The following RNF214 variants were observed in gnomAD, a reference collection of about 807,000 sequenced individuals.
RNF214 encodes ring finger protein 214.
RNF214 carries 25 observed loss-of-function variants against 75.9 expected under a neutral mutation model. The ratio of observed to expected loss-of-function variants is 0.33; its 90% CI spans 0.24 to 0.46. The LOEUF (loss-of-function observed/expected upper bound fraction) is 0.46, where lower values mean the gene tolerates loss of function less well. RNF214 is among the 20% of genes least tolerant of loss of function. RNF214 has a pLI of 1.00. For synonymous variants in RNF214, 314 were observed against 308.8 expected, an observed-to-expected ratio of 1.02 and a Z score of -0.18; for missense variants, 725 against 857.5, an observed-to-expected ratio of 0.85 and a Z score of 1.93.
intron 4 of RNF214, among the ~76,000 whole-genome samples, chr11:117,243,543 T>C (rs1418007931): frequency 6.6e-6 from 1 of 152,230 alleles, no homozygotes; most frequent in Non-Finnish European, 1.5e-5. Flanking sequence ...AATGAAAAAA[T>C]TCAGTTTAGT....
chr11:117,241,951 A>G (rs1343320856), intron 4 of RNF214, among the ~76,000 whole-genome samples: 1 of 152,144 alleles, frequency 6.6e-6, no homozygotes, highest in African/African-American at 2.4e-5. Flanking sequence ...TCTAGACACT[A>G]TTTCTTAAGC....
At chr11:117,247,453 C>G (rs1292973496) in intron 6 of RNF214, among the ~76,000 whole-genome samples, 1 of 152,194 alleles carries the variant, frequency 6.6e-6, no homozygotes, top group East Asian at 1.9e-4. Context: ...TGTGATTACG[C>G]CACTGCACTC....
At chr11:117,245,054 C>G (rs529289604) in intron 5 of RNF214, among the ~76,000 whole-genome samples, 1 of 151,656 alleles carries the variant, frequency 6.6e-6, no homozygotes, top group African/African-American at 2.4e-5. Context: ...TGTGGTGGCT[C>G]ACACCTGTAA....
chr11:117,245,036 A>G (rs2033178197), intron 5 of RNF214, among the ~76,000 whole-genome samples: 1 of 151,712 alleles, frequency 6.6e-6, no homozygotes, highest in Non-Finnish European at 1.5e-5. Context: ...TAAAAAGGCA[A>G]GGCGGGGTGT....
rs201365537 is a variant in RNF214 at position 117,267,740 on chromosome 11, A to AG, written c.960-12166dup. On this transcript the variant is annotated intron_variant, in intron 6 of 14. Coordinates refer to ENST00000300650, the MANE Select transcript of RNF214 (RefSeq NM_207343.4). ...CAAGATCATGTCTGAAAAAAAAAAA[A>AG]GGCTTATTTTTTTGGTTATAAATAT... Among the ~76,000 whole-genome samples, 1,225 of 151,220 alleles carry AG rather than the reference A, an allele frequency of 8.1e-3. 9 individuals are homozygous for AG. The highest frequency in any genetic ancestry group is 0.013 in the Non-Finnish European group (873 of 67,812).
chr11:117,245,957 C>T (rs891410474), intron 5 of RNF214, among the ~76,000 whole-genome samples: 2 of 151,972 alleles, frequency 1.3e-5, no homozygotes, highest in East Asian at 1.9e-4. Flanking sequence ...CTCTTTATCA[C>T]CTTTGTATTA....
intron 4 of RNF214, among the ~76,000 whole-genome samples, chr11:117,243,426 G>A (rs946962901): frequency 6.6e-6 from 1 of 151,946 alleles, no homozygotes; most frequent in African/African-American, 2.4e-5. Context: ...GATTACAGGC[G>A]TGAGCCACTG....
At chr11:117,283,243 CTT>C (rs2034166234) in intron 14 of RNF214, 33 bp downstream of exon 14, 1 of 1,371,834 alleles carries the variant, frequency 7.3e-7, no homozygotes, top group Admixed American at 1.9e-5. Flanking sequence ...ATTTTCTACA[CTT>C]TTTCTTCTGA....
chr11:117,237,330 C>G (rs1422446718), intron 2 of RNF214, among the ~76,000 whole-genome samples: 2 of 152,242 alleles, frequency 1.3e-5, no homozygotes, highest in Admixed American at 6.5e-5. Flanking sequence ...ATCCTCCTGC[C>G]TTGACCTCCC....
Position 117,282,047 on chromosome 11 carries a change from A to G in RNF214, c.1489A>G (p.Ser497Gly), listed in dbSNP as rs752126491. The change falls in exon 11 of 15, where the codon AGC becomes GGC. Residue 497 changes from serine (S) to glycine (G), a missense_variant. Coordinates refer to ENST00000300650, the MANE Select transcript of RNF214 (RefSeq NM_207343.4). ...CCTGAACCCTGCCCTTTCCCAGCCC[A>G]GCCAGCCTTCCTCACCCCTTCCTGG... ...PILNPALSQP[S>G]QPSSPLPGSH... The G allele has an allele frequency of 6.2e-7, 1 of 1,613,822 alleles. No individual in the cohort carries two copies. Among genetic ancestry groups the G allele is most frequent in the African/African-American group, 1.3e-5 (1 of 74,888 alleles).
intron 6 of RNF214, among the ~76,000 whole-genome samples, chr11:117,272,433 T>C (rs985511543): frequency 2.6e-5 from 4 of 151,652 alleles, no homozygotes; most frequent in African/African-American, 9.7e-5. Flanking sequence ...CCAGGGTCAG[T>C]TGGGGGGGTA....
At chr11:117,243,296 G>A (rs2033129979) in intron 4 of RNF214, among the ~76,000 whole-genome samples, 1 of 152,094 alleles carries the variant, frequency 6.6e-6, no homozygotes, top group African/African-American at 2.4e-5. Context: ...ACAGGCATGT[G>A]CCACCATGCC....
chr11:117,258,621 A>C (rs2033584219), intron 6 of RNF214, among the ~76,000 whole-genome samples: 1 of 151,920 alleles, frequency 6.6e-6, no homozygotes, highest in African/African-American at 2.4e-5. Context: ...TAGCAAGTCC[A>C]CTGGTTGAAA....
Position 117,282,163 on chromosome 11 carries a change from A to G in RNF214, c.1605A>G (p.Pro535=). Reference sequence around the variant, plus strand: ...CTGCCGCCTCCATCCCACCTCCCCCAGGCTTGGGCGGTGTTAAGGCTTCTG... The same window carrying G: ...CTGCCGCCTCCATCCCACCTCCCCCGGGCTTGGGCGGTGTTAAGGCTTCTG... ...MPPAASIPPP[P]GLGGVKASAE... is the part of the protein sequence containing the mutation. The change falls in exon 11 of 15, where the codon CCA becomes CCG. Residue 535 remains proline (P), a synonymous_variant. Transcript: ENST00000300650. The G allele has an allele frequency of 6.2e-7, 1 of 1,613,716 alleles. No individual in the cohort carries two copies. The highest frequency in any genetic ancestry group is 1.1e-5 in the South Asian group (1 of 91,052).
At chr11:117,282,584 G>T in intron 12 of RNF214, 48 bp downstream of exon 12, 1 of 1,601,388 alleles carries the variant, frequency 6.2e-7, no homozygotes. Flanking sequence ...GAGGGCTGGG[G>T]AAGAGGTAGA....
At chr11:117,258,139 G>A (rs527615342) in intron 6 of RNF214, among the ~76,000 whole-genome samples, 9 of 151,064 alleles carry the variant, frequency 6.0e-5, no homozygotes, top group Admixed American at 2.6e-4. Flanking sequence ...AGGCTGGAGC[G>A]CTCACTGCAA....
Position 117,285,909 on chromosome 11 carries a change from G to A in RNF214, c.*758G>A, listed in dbSNP as rs1353475076. 1.3e-5 allele frequency: 2 copies of A among 152,602 alleles called. No homozygotes were observed. The highest frequency in any genetic ancestry group is 2.9e-5 in the Non-Finnish European group (2 of 68,036). 9.5% of individuals were successfully genotyped at this position (152,602 alleles called of 1,614,324 possible). A position where few individuals can be genotyped will look rare whatever the true frequency, so the allele number is the denominator to read the frequency against. ...AACCCACAGGTTTTTCCTGGGCCAA[G>A]TCTTCCTTTGCTGCCACTGTCTTGG... is the stretch of plus-strand genomic sequence containing the variant. On this transcript the variant is annotated 3_prime_UTR_variant, in exon 15 of 15. Coordinates refer to ENST00000300650, the MANE Select transcript of RNF214 (RefSeq NM_207343.4).
At chr11:117,255,560 C>T (rs1401359118) in intron 6 of RNF214, among the ~76,000 whole-genome samples, 1 of 151,500 alleles carries the variant, frequency 6.6e-6, no homozygotes, top group East Asian at 1.9e-4. Context: ...ACTCTGTTGC[C>T]CAGGCTGGTC....
intron 6 of RNF214, among the ~76,000 whole-genome samples, chr11:117,270,492 C>T (rs188712563): frequency 6.6e-6 from 1 of 151,928 alleles, no homozygotes. Flanking sequence ...AGTGCAGTGG[C>T]ACGATGTGGG....
Sources: gnomAD v4.1 joint callset for allele counts (sites outside exome capture counted in the v4.1 genomes callset) on GRCh38, gnomAD v4.1.1 for gene constraint, MANE v1.5 for transcripts, NCBI Gene and HGNC (gene_info 2026-07-23, HGNC 2026-07-21) for gene names.